INTS6: variants seen among roughly 807,000 people sequenced by gnomAD.
INTS6 encodes integrator complex subunit 6, also known as DEAD box protein.
A neutral mutation model predicts 104.9 loss-of-function variants in INTS6; 16 were observed. That is an observed-to-expected ratio of 0.15 (90% confidence interval 0.10 to 0.23). The LOEUF is 0.23. Among genes scored for constraint, INTS6 ranks in the 10% least tolerant of loss-of-function variants. The pLI is 1.00. For missense variants in INTS6, 584 were observed against 1,062.8 expected (o/e 0.55, Z 6.26); for synonymous variants, 324 against 358.7 (o/e 0.90, Z 1.09).
chr13:51,341,078 C>A, the INTS6 span: 1 of 1,611,498 alleles, frequency 6.2e-7, no homozygotes, highest in Non-Finnish European at 8.5e-7. Flanking sequence ...ATTGCAGGAA[C>A]CCTCCCAGCC....
Position 51,452,792 on chromosome 13 carries a change from G to C in INTS6, c.-267C>G, listed in dbSNP as rs1953093666. On this transcript the variant is annotated 5_prime_UTR_variant, in exon 1 of 18. Coordinates refer to ENST00000311234, the MANE Select transcript of INTS6 (RefSeq NM_012141.3). The surrounding 1 kb of genome is among the most constrained non-coding windows in gnomAD (Gnocchi z 4.2). ...CGCTGGGGCGGGCGCCCAGCCGTCT[G>C]TCTGTCGGTTCGTCCCCCCCGCCTC... 3.3e-6 allele frequency: 4 copies of C among 1,199,998 alleles called. No homozygotes were observed. The highest frequency in any genetic ancestry group is 4.2e-6 in the Non-Finnish European group (4 of 960,404). 74.3% of individuals were successfully genotyped at this position (1,199,998 alleles called of 1,614,324 possible). A position where few individuals can be genotyped will look rare whatever the true frequency, so the allele number is the denominator to read the frequency against.
At chr13:51,348,129 G>A in the INTS6 span, 45 of 1,083,188 alleles carry the variant, frequency 4.2e-5, no homozygotes, top group Middle Eastern at 2.2e-4. Flanking sequence ...CCAGTCCTCT[G>A]AGCCAGCCTC....
chr13:51,440,602 T>C (rs1952778648), intron 3 of INTS6: 1 of 152,192 alleles, frequency 6.6e-6, no homozygotes, highest in African/African-American at 2.4e-5. Flanking sequence ...AGGTATACCA[T>C]TTTTTATCTT....
chr13:51,362,059 A>G lies in INTS6; in HGVS notation c.*3693T>C. ...ATCTTCTATCCTAAGAAAGGGGACT[A>G]TTTCGTAAGTACAAAGGAAACTTAT... On this transcript the variant is annotated 3_prime_UTR_variant, in exon 18 of 18. Coordinates refer to ENST00000311234, the MANE Select transcript of INTS6 (RefSeq NM_012141.3). 6.3e-7 allele frequency: 1 copy of G among 1,574,826 alleles called. No homozygotes were observed. Among genetic ancestry groups the G allele is most frequent in the Non-Finnish European group, 8.6e-7 (1 of 1,168,320 alleles).
At chr13:51,344,373 C>G in the INTS6 span, 1 of 1,613,498 alleles carries the variant, frequency 6.2e-7, no homozygotes, top group Non-Finnish European at 8.5e-7. Context: ...TGTCCCCCTG[C>G]TTTGTGGAGC....
At chr13:51,342,983 G>C in the INTS6 span, among the ~76,000 whole-genome samples, 2 of 152,204 alleles carry the variant, frequency 1.3e-5, no homozygotes, top group East Asian at 1.9e-4. Context: ...TTGTGGACAA[G>C]TGATGTCTGC....
At chr13:51,419,372 G>C (rs967021946) in intron 4 of INTS6, among the ~76,000 whole-genome samples, 16 of 152,190 alleles carry the variant, frequency 1.1e-4, no homozygotes, top group African/African-American at 3.6e-4. Context: ...CCTTGGCAGA[G>C]AATATAGGAC....
chr13:51,354,888 G>A (rs1160561887), intron 3 of INTS6, among the ~76,000 whole-genome samples: 1 of 152,148 alleles, frequency 6.6e-6, no homozygotes, highest in Non-Finnish European at 1.5e-5. Flanking sequence ...GGTCAGATTA[G>A]GGCTTATGGG....
chr13:51,371,282 A>G (rs1955797918), intron 15 of INTS6, among the ~76,000 whole-genome samples: 1 of 152,090 alleles, frequency 6.6e-6, no homozygotes, highest in Admixed American at 6.5e-5. Context: ...ACTTACACTT[A>G]CACCTTCGCC....
rs375591949 is a variant in INTS6, at chr13:51,387,452, A to G, written c.828T>C (p.Thr276=). The G allele has an allele frequency of 4.3e-6, 7 of 1,613,772 alleles. No homozygotes were observed. The African/African-American group carries it at 8.0e-5, about 18-fold the overall frequency. ...KLIYVRPNPK[T]GVPIGHWPVP... is the part of the protein sequence containing the mutation. ...CAGGCCAATGACCTATAGGAACCCC[A>G]GTTTTAGGATTTGGTCTGACATATA... is the stretch of plus-strand genomic sequence containing the variant. Residue 276 remains threonine (T), a synonymous_variant, in exon 7 of 18, where the codon ACT becomes ACC. Coordinates refer to ENST00000311234, the MANE Select transcript of INTS6 (RefSeq NM_012141.3).
At chr13:51,436,827 C>T (rs1270205693) in intron 3 of INTS6, 1 of 152,160 alleles carries the variant, frequency 6.6e-6, no homozygotes, top group African/African-American at 2.4e-5. Flanking sequence ...AATTAACAAA[C>T]TGGTCTGGGG....
At chr13:51,334,768 G>A in the INTS6 span, among the ~76,000 whole-genome samples, 2 of 151,918 alleles carry the variant, frequency 1.3e-5, no homozygotes, top group African/African-American at 4.8e-5. Flanking sequence ...GATCACCTGA[G>A]GTCAGGAGTT....
chr13:51,425,396 T>C (rs2138081748), intron 4 of INTS6, among the ~76,000 whole-genome samples: 1 of 152,182 alleles, frequency 6.6e-6, no homozygotes, highest in Admixed American at 6.6e-5. Flanking sequence ...AATAAGCAAG[T>C]AAAACTCTTC....
At position 51,364,530 on chromosome 13, in the gene INTS6, G is replaced by A; in HGVS notation, c.*1222C>T. Reference sequence around the variant, plus strand: ...CCCCAAACCACTAAAAGGCACAGCAGTGATCATGAATGGTGAGTGAGTCAG... The same window carrying A: ...CCCCAAACCACTAAAAGGCACAGCAATGATCATGAATGGTGAGTGAGTCAG... On this transcript the variant is annotated 3_prime_UTR_variant, in exon 18 of 18. Transcript: ENST00000311234. 2.6e-6 allele frequency: 1 copy of A among 378,710 alleles called. No homozygotes were observed. The highest frequency in any genetic ancestry group is 5.0e-5 in the South Asian group (1 of 19,860). 23.5% of individuals were successfully genotyped at this position (378,710 alleles called of 1,614,324 possible).
downstream of INTS6, among the ~76,000 whole-genome samples, chr13:51,358,805 C>G (rs903290405): frequency 2.6e-5 from 4 of 151,906 alleles, no homozygotes; most frequent in African/African-American, 9.7e-5. Context: ...AGAGTATCAC[C>G]CCTTTGCTTT....
At chr13:51,337,395 C>T in the INTS6 span, among the ~76,000 whole-genome samples, 5 of 152,214 alleles carry the variant, frequency 3.3e-5, no homozygotes, top group Non-Finnish European at 7.3e-5. Flanking sequence ...TGCTGGGCCT[C>T]ATAGCAGTCT....
chr13:51,420,439 G>C (rs568060620), intron 4 of INTS6, among the ~76,000 whole-genome samples: 1 of 151,748 alleles, frequency 6.6e-6, no homozygotes, highest in Non-Finnish European at 1.5e-5. Context: ...TTCTGTGAGT[G>C]CTTCAAATCA....
chr13:51,393,051 C>CA (rs1462409555), intron 5 of INTS6, among the ~76,000 whole-genome samples: 2 of 150,650 alleles, frequency 1.3e-5, no homozygotes, highest in East Asian at 3.9e-4. Flanking sequence ...TAAATGTACA[C>CA]AAATACACAC....
At chr13:51,417,611 C>T (rs1164538836) in intron 4 of INTS6, among the ~76,000 whole-genome samples, 1 of 151,904 alleles carries the variant, frequency 6.6e-6, no homozygotes, top group Non-Finnish European at 1.5e-5. Flanking sequence ...CATGCCACCA[C>T]ACCCGGCTAA....
Sources: gnomAD v4.1 joint callset for allele counts (sites outside exome capture counted in the v4.1 genomes callset) on GRCh38, gnomAD v4.1.1 for gene constraint, Gnocchi (gnomAD v3.1) non-coding constraint, MANE v1.5 for transcripts, NCBI Gene and HGNC (gene_info 2026-07-23, HGNC 2026-07-21) for gene names.